The following TMEM67 variants were observed in gnomAD, a reference collection of about 807,000 sequenced individuals.
The protein encoded by TMEM67 is transmembrane protein 67.
TMEM67 carries 124 observed loss-of-function variants against 136.6 expected under a neutral mutation model. That is an observed-to-expected ratio of 0.91 (90% CI 0.78 to 1.05). TMEM67 has a LOEUF of 1.05. Among genes scored for constraint, TMEM67 ranks in the 50% least tolerant of loss-of-function variants. The pLI, the probability that TMEM67 is intolerant of heterozygous loss-of-function variation, is 0.00. For synonymous variants in TMEM67, 364 were observed against 390.5 expected, an observed-to-expected ratio of 0.93 and a Z score of 0.80; for missense variants, 1,107 against 1,178.4, an observed-to-expected ratio of 0.94 and a Z score of 0.89.
At chr8:93,826,123 CTTTTTTTTTT>C in the TMEM67 span, among the ~76,000 whole-genome samples, 8 of 52,372 alleles carry the variant, frequency 1.5e-4, no homozygotes, top group East Asian at 7.5e-4. Context: ...TTAATCATGT[CTTTTTTTTTT>C]TTTTTTTTTT....
At position 93,765,573 on chromosome 8, in the gene TMEM67, CA is replaced by C. The variant is rs386834203; in HGVS notation, c.579del (p.Gly195AspfsTer27). ...SCACSEPNILTGGLCFSSTGN... is the reference protein window; with the variant it reads ...SCACSEPNILXGGLCFSSTGN... ...TTTTTCCCTCATTTATTTATGAAGA[CA>C]GGGGGATTATGTTTCAGCAGCACAG... On this transcript the variant is annotated frameshift_variant and splice_region_variant, in exon 6 of 28. Transcript: ENST00000453321. LOFTEE classifies it high-confidence loss of function. 9.9e-6 allele frequency: 16 copies of C among 1,611,120 alleles called. No homozygotes were observed. The highest frequency in any genetic ancestry group is 2.2e-5 in the East Asian group (1 of 44,844).
intron 4 of TMEM67, among the ~76,000 whole-genome samples, chr8:93,764,391 A>G (rs1479310765): frequency 2.0e-5 from 3 of 152,188 alleles, no homozygotes; most frequent in Non-Finnish European, 4.4e-5. Context: ...CTTATGTATT[A>G]TAATGTTACA....
chr8:93,782,589 T>G, intron 11 of TMEM67, 129 bp downstream of exon 11: 1 of 705,170 alleles, frequency 1.4e-6, no homozygotes, highest in Non-Finnish European at 2.3e-6. Flanking sequence ...TTTTTTTTTT[T>G]TGAGATGGAG....
At chr8:93,775,715 T>C (rs181617365) in intron 7 of TMEM67, among the ~76,000 whole-genome samples, 1 of 152,338 alleles carries the variant, frequency 6.6e-6, no homozygotes, top group East Asian at 1.9e-4. Context: ...GGTCTATGTA[T>C]CTGTTTTGGT....
rs767530825 is a variant in TMEM67 at position 93,815,450 on chromosome 8, A to C, written c.2907+3A>C. On this transcript the variant is annotated splice_donor_region_variant and intron_variant, in intron 27 of 27. Transcript: ENST00000453321. The stretch of plus-strand genomic sequence containing the variant: ...TCCTTACATATCTACAACAAGAGGT[A>C]AACTTTTAAAATTTTTCTACATTTT... 6.2e-7 allele frequency: 1 copy of C among 1,610,890 alleles called. No homozygotes were observed. Among genetic ancestry groups the C allele is most frequent in the Non-Finnish European group, 8.5e-7 (1 of 1,178,904 alleles).
intron 7 of TMEM67, among the ~76,000 whole-genome samples, chr8:93,779,132 C>T (rs1813692605): frequency 6.6e-6 from 1 of 152,196 alleles, no homozygotes; most frequent in East Asian, 1.9e-4. Flanking sequence ...ACCCTTTCTT[C>T]CACTTGACCA....
intron 14 of TMEM67, among the ~76,000 whole-genome samples, chr8:93,789,592 C>T (rs1814275001): frequency 6.7e-6 from 1 of 150,342 alleles, no homozygotes; most frequent in African/African-American, 2.5e-5. Context: ...TTGCAGTGAG[C>T]CGAGAGCACG....
At chr8:93,762,036 C>T (rs1338817078) in intron 3 of TMEM67, 1 of 152,090 alleles carries the variant, frequency 6.6e-6, no homozygotes, top group Non-Finnish European at 1.5e-5. Context: ...GGGTGGATCA[C>T]CTGAGGTTAG....
intron 9 of TMEM67, 95 bp downstream of exon 9, chr8:93,781,077 G>C: frequency 1.2e-6 from 1 of 833,344 alleles, no homozygotes; most frequent in Non-Finnish European, 2.0e-6. Flanking sequence ...TAGGTTGTTG[G>C]TACAAACTCA....
chr8:93,768,112 C>T (rs560528152), intron 6 of TMEM67, among the ~76,000 whole-genome samples: 3 of 151,642 alleles, frequency 2.0e-5, no homozygotes, highest in South Asian at 2.1e-4. Flanking sequence ...ATGATCTACC[C>T]GCCTAAGCCT....
intron 7 of TMEM67, among the ~76,000 whole-genome samples, chr8:93,773,642 A>G (rs1346307112): frequency 2.0e-5 from 3 of 152,216 alleles, no homozygotes; most frequent in African/African-American, 7.2e-5. Context: ...CACATGAATA[A>G]CTGTAAAAAT....
chr8:93,832,443 C>T, the TMEM67 span, among the ~76,000 whole-genome samples: 1 of 152,200 alleles, frequency 6.6e-6, no homozygotes, highest in Non-Finnish European at 1.5e-5. Flanking sequence ...AGAACCTCCT[C>T]TTTCCAGAAT....
intron 2 of TMEM67, 68 bp downstream of exon 2, chr8:93,755,934 A>T: frequency 1.1e-6 from 1 of 891,340 alleles, no homozygotes; most frequent in Non-Finnish European, 1.8e-6. Flanking sequence ...TTATTTTTCA[A>T]AATATAATTT....
chr8:93,759,430 T>C (rs1209443051), intron 3 of TMEM67: 2 of 135,942 alleles, frequency 1.5e-5, no homozygotes, highest in Non-Finnish European at 3.0e-5. Context: ...GCCACTGCAC[T>C]CCAGCCTGAG....
intron 26 of TMEM67, among the ~76,000 whole-genome samples, chr8:93,814,268 TAG>T (rs1808813560): frequency 6.7e-6 from 1 of 149,068 alleles, no homozygotes; most frequent in African/African-American, 2.5e-5. Flanking sequence ...GCCTCCTGAG[TAG>T]CTGGGACTAC....
At chr8:93,801,461 G>A (rs914851130) in intron 21 of TMEM67, among the ~76,000 whole-genome samples, 3 of 151,452 alleles carry the variant, frequency 2.0e-5, no homozygotes, top group Non-Finnish European at 2.9e-5. Context: ...TAGTGCAGTG[G>A]CGTGATCTCA....
intron 11 of TMEM67, among the ~76,000 whole-genome samples, chr8:93,784,140 C>G (rs1010195925): frequency 6.6e-6 from 1 of 151,998 alleles, no homozygotes; most frequent in Non-Finnish European, 1.5e-5. Flanking sequence ...TTATAATTTC[C>G]AAATTTTCTA....
chr8:93,760,024 C>T (rs1202853324), intron 3 of TMEM67: 1 of 1,425,534 alleles, frequency 7.0e-7, no homozygotes, highest in Admixed American at 2.6e-5. Context: ...TGAAGGCAGG[C>T]TTTTAAGTGA....
chr8:93,808,021 T>C (rs1236099138), intron 23 of TMEM67, among the ~76,000 whole-genome samples: 1 of 151,790 alleles, frequency 6.6e-6, no homozygotes, highest in African/African-American at 2.4e-5. Context: ...ATCTTAAAAA[T>C]GTTTAGAAAA....
Sources: allele counts gnomAD v4.1 joint callset (sites outside exome capture counted in the v4.1 genomes callset), GRCh38; gene constraint gnomAD v4.1.1; transcripts MANE v1.5; gene names NCBI Gene and HGNC (gene_info 2026-07-23, HGNC 2026-07-21).